TTC27: variants seen among roughly 807,000 people sequenced by gnomAD.
The protein encoded by TTC27 is tetratricopeptide repeat protein 27.
Under a neutral mutation model 115.9 loss-of-function variants are expected in TTC27, and 79 were observed. The ratio of observed to expected loss-of-function variants is 0.68; its 90% CI spans 0.57 to 0.82. The LOEUF (loss-of-function observed/expected upper bound fraction) is 0.82. TTC27 is among the 40% of genes least tolerant of loss of function. TTC27 has a pLI of 0.00. For missense variants in TTC27, 1,054 were observed against 993.1 expected, an observed-to-expected ratio of 1.06 and a Z score of -0.82; for synonymous variants, 401 against 356.0, an observed-to-expected ratio of 1.13 and a Z score of -1.42.
chr2:32,796,960 G>A (rs1268588458), intron 16 of TTC27, among the ~76,000 whole-genome samples: 1 of 151,750 alleles, frequency 6.6e-6, no homozygotes, highest in African/African-American at 2.4e-5. Context: ...ATCACCTGAG[G>A]TCAGGACTTC....
intron 15 of TTC27, among the ~76,000 whole-genome samples, chr2:32,786,745 A>G (rs1245644256): frequency 1.3e-5 from 2 of 152,200 alleles, no homozygotes; most frequent in East Asian, 3.8e-4. Context: ...CCTTGTTACC[A>G]GTAAATAGAT....
At chr2:32,706,604 G>T (rs1407494456) in intron 10 of TTC27, among the ~76,000 whole-genome samples, 1 of 151,516 alleles carries the variant, frequency 6.6e-6, no homozygotes, top group East Asian at 2.0e-4. Flanking sequence ...TACTCTTGTC[G>T]CCCAGGCTGG....
chr2:32,788,418 C>G (rs1670419876), intron 16 of TTC27, among the ~76,000 whole-genome samples: 1 of 152,172 alleles, frequency 6.6e-6, no homozygotes. Flanking sequence ...TCCCCTCCTT[C>G]CTGATAAGCT....
At chr2:32,712,144 A>C (rs1232210603) in intron 10 of TTC27, among the ~76,000 whole-genome samples, 2 of 152,222 alleles carry the variant, frequency 1.3e-5, no homozygotes, top group Non-Finnish European at 2.9e-5. Flanking sequence ...TTCAACGGCA[A>C]GTCCTAAGGA....
intron 12 of TTC27, among the ~76,000 whole-genome samples, chr2:32,741,072 G>A (rs1305808042): frequency 6.6e-6 from 1 of 152,198 alleles, no homozygotes; most frequent in African/African-American, 2.4e-5. Flanking sequence ...TACTTTAATA[G>A]CTTGAATTAA....
chr2:32,658,802 A>C (rs992455595), intron 5 of TTC27, among the ~76,000 whole-genome samples: 2 of 152,160 alleles, frequency 1.3e-5, no homozygotes, highest in South Asian at 2.1e-4. Context: ...TAATTTTGAC[A>C]GTCATTTTAT....
rs551693946 is a variant in TTC27, at chr2:32,670,766, C to T, written c.940-1506C>T. Among the ~76,000 whole-genome samples the T allele has an allele frequency of 6.6e-5, 10 of 152,140 alleles. No homozygotes were observed. In the South Asian group the frequency reaches 8.3e-4, roughly 13 times the overall value. Reference sequence around the variant, plus strand: ...CCGAGTAGCTGGGAGTACAGGTATACGCCACCATGCCTGGCTAATTTTTGT... The same window carrying T: ...CCGAGTAGCTGGGAGTACAGGTATATGCCACCATGCCTGGCTAATTTTTGT... On this transcript the variant is annotated intron_variant, in intron 7 of 19. Coordinates refer to ENST00000317907, the MANE Select transcript of TTC27 (RefSeq NM_017735.5).
chr2:32,659,467 G>A (rs373417396), intron 5 of TTC27, among the ~76,000 whole-genome samples: 11 of 149,220 alleles, frequency 7.4e-5, no homozygotes, highest in Admixed American at 3.4e-4. Flanking sequence ...ACATTTTCAC[G>A]CCATAAAAAT....
chr2:32,650,277 C>A, intron 5 of TTC27, 44 bp downstream of exon 5: 2 of 1,419,282 alleles, frequency 1.4e-6, no homozygotes, highest in South Asian at 2.5e-5. Context: ...TAGCTCAGTT[C>A]TAATTACTTG....
chr2:32,645,697 G>A (rs1024505728), intron 4 of TTC27, among the ~76,000 whole-genome samples: 4 of 150,138 alleles, frequency 2.7e-5, no homozygotes, highest in Admixed American at 6.6e-5. Context: ...TATCCCTCCC[G>A]CCTCCCCCCA....
rs70938358 is a variant in TTC27 at position 32,669,883 on chromosome 2, C to CAA, written c.940-2372_940-2371dup. Among the ~76,000 whole-genome samples the CAA allele has an allele frequency of 4.9e-3, 537 of 108,502 alleles. 4 individuals are homozygous for CAA. Among genetic ancestry groups the CAA allele is most frequent in the Middle Eastern group, 0.022 (4 of 180 alleles). 71.2% of individuals were successfully genotyped at this position (108,502 alleles called of 152,430 possible). ...CCTAGGTGACTAAGTGAGACTTTCT[C>CAA]AAAAAAAAAAAAAAAAAAGAAAAGA... On this transcript the variant is annotated intron_variant, in intron 7 of 19. Transcript: ENST00000317907.
chr2:32,741,371 T>TCAC (rs1210628676), intron 12 of TTC27, among the ~76,000 whole-genome samples: 2 of 151,764 alleles, frequency 1.3e-5, no homozygotes, highest in Non-Finnish European at 2.9e-5. Context: ...TGGCCAGGTG[T>TCAC]GGTGGCTCAC....
At chr2:32,773,276 G>C (rs1490342000) in intron 13 of TTC27, among the ~76,000 whole-genome samples, 1 of 152,116 alleles carries the variant, frequency 6.6e-6, no homozygotes, top group African/African-American at 2.4e-5. Flanking sequence ...ATCTCAACCA[G>C]GGCCTCTCTA....
intron 12 of TTC27, among the ~76,000 whole-genome samples, chr2:32,746,444 TCC>T (rs1448678601): frequency 2.6e-5 from 4 of 151,010 alleles, no homozygotes; most frequent in Non-Finnish European, 5.9e-5. Flanking sequence ...ATGCCTGTAA[TCC>T]CAGCTACCTG....
intron 16 of TTC27, among the ~76,000 whole-genome samples, chr2:32,796,586 A>G (rs1426446951): frequency 6.6e-6 from 1 of 152,236 alleles, no homozygotes; most frequent in African/African-American, 2.4e-5. Context: ...GCCTACCAAG[A>G]CTAAATCATG....
intron 12 of TTC27, among the ~76,000 whole-genome samples, chr2:32,746,236 C>T (rs1668820970): frequency 6.6e-6 from 1 of 151,940 alleles, no homozygotes; most frequent in African/African-American, 2.4e-5. Flanking sequence ...TTTTAATAGA[C>T]ATTTAGATAT....
At chr2:32,810,419 T>C (rs1222548956) in intron 16 of TTC27, among the ~76,000 whole-genome samples, 1 of 152,188 alleles carries the variant, frequency 6.6e-6, no homozygotes, top group African/African-American at 2.4e-5. Flanking sequence ...ATCAAACAAA[T>C]CAACATTAGG....
chr2:32,700,194 C>T (rs1268247709), intron 9 of TTC27, among the ~76,000 whole-genome samples: 1 of 152,170 alleles, frequency 6.6e-6, no homozygotes, highest in Non-Finnish European at 1.5e-5. Flanking sequence ...TCATAGGCTC[C>T]ATTAAGCTTT....
At chr2:32,721,838 A>G (rs1008559231) in intron 10 of TTC27, among the ~76,000 whole-genome samples, 40 of 152,112 alleles carry the variant, frequency 2.6e-4, no homozygotes, top group African/African-American at 9.6e-4. Flanking sequence ...ATGTTGCTAT[A>G]TTGCCCAGGT....
Sources: gnomAD v4.1 joint callset for allele counts (sites outside exome capture counted in the v4.1 genomes callset) on GRCh38, gnomAD v4.1.1 for gene constraint, MANE v1.5 for transcripts, NCBI Gene and HGNC (gene_info 2026-07-23, HGNC 2026-07-21) for gene names.